The following MEGF10 variants were observed in gnomAD, a reference collection of about 807,000 sequenced individuals.
MEGF10 encodes multiple EGF like domains 10, also known as multiple epidermal growth factor-like domains protein 10.
A neutral mutation model predicts 147.5 loss-of-function variants in MEGF10; 86 were observed. That is an observed-to-expected ratio of 0.58 (90% CI 0.49 to 0.70). The LOEUF is 0.70. MEGF10 is among the 30% of genes least tolerant of loss of function. MEGF10 has a pLI of 0.00. For synonymous variants in MEGF10, 478 were observed against 525.5 expected (o/e 0.91, Z 1.24); for missense variants, 1,329 against 1,487.3 (o/e 0.89, Z 1.75).
chr5:127,315,502 G>A (rs1279244272), intron 1 of MEGF10, among the ~76,000 whole-genome samples: 8 of 152,132 alleles, frequency 5.3e-5, no homozygotes, highest in African/African-American at 7.2e-5. Flanking sequence ...CTTGCCGGGC[G>A]TGGTGGCCCA....
At chr5:127,442,284 A>T (rs369874141) in intron 18 of MEGF10, among the ~76,000 whole-genome samples, 1 of 152,334 alleles carries the variant, frequency 6.6e-6, no homozygotes, top group South Asian at 2.1e-4. Context: ...TAATAATAGC[A>T]CATTGCCCCC....
intron 7 of MEGF10, 59 bp downstream of exon 7, chr5:127,398,855 C>A: frequency 6.2e-7 from 1 of 1,607,740 alleles, no homozygotes; most frequent in Non-Finnish European, 8.5e-7. Flanking sequence ...CCAGGATACT[C>A]AGTGCATACA....
In MEGF10 at chr5:127,376,973, G is replaced by C. The variant is rs535970149; in HGVS notation, c.412+6971G>C. On this transcript the variant is annotated intron_variant, in intron 5 of 24. Transcript: ENST00000503335. ...ATCAGCAACAGTGAGGAGAATGAGA[G>C]CAGGAGACAGGGGCAGATGACACCG... 2.0e-5 allele frequency among the ~76,000 whole-genome samples: 3 copies of C among 149,478 alleles called. No individual in the cohort carries two copies. The East Asian group carries it at 5.9e-4, about 29-fold the overall frequency.
At chr5:127,435,833 T>C (rs1265526861) in intron 16 of MEGF10, among the ~76,000 whole-genome samples, 1 of 152,168 alleles carries the variant, frequency 6.6e-6, no homozygotes, top group Non-Finnish European at 1.5e-5. Flanking sequence ...GAGAGTTAAT[T>C]ACAGAGAAAG....
intron 2 of MEGF10, among the ~76,000 whole-genome samples, chr5:127,335,376 A>G (rs73785582): frequency 0.015 from 2,247 of 152,290 alleles, 56 homozygotes; most frequent in African/African-American, 0.051. Flanking sequence ...CTTCAGGAGC[A>G]GCTGCTGGTG....
the MEGF10 span, among the ~76,000 whole-genome samples, chr5:127,269,180 C>T: frequency 6.6e-6 from 1 of 152,198 alleles, no homozygotes; most frequent in Non-Finnish European, 1.5e-5. Context: ...AATCAGAGCA[C>T]CTCTCCCCCT....
the MEGF10 span, among the ~76,000 whole-genome samples, chr5:127,256,633 T>C: frequency 6.6e-6 from 1 of 152,176 alleles, no homozygotes; most frequent in African/African-American, 2.4e-5. Context: ...CCTATACCTG[T>C]TGCTAAGGGC....
Position 127,348,450 on chromosome 5 carries a change from A to G in MEGF10, c.319+7820A>G, listed in dbSNP as rs552185903. On this transcript the variant is annotated intron_variant, in intron 4 of 24. Coordinates refer to ENST00000503335, the MANE Select transcript of MEGF10 (RefSeq NM_001256545.2). ...TACTTTTTTGATTTTTTTATCTCAA[A>G]CTACAAAGGCAATGAATTTTTCATA... is the stretch of plus-strand genomic sequence containing the variant. Among the ~76,000 whole-genome samples the G allele has an allele frequency of 2.6e-5, 4 of 152,234 alleles. No homozygotes were observed. The South Asian group carries it at 8.3e-4, about 32-fold the overall frequency.
chr5:127,249,016 G>A, the MEGF10 span, among the ~76,000 whole-genome samples: 1 of 151,938 alleles, frequency 6.6e-6, no homozygotes, highest in African/African-American at 2.4e-5. Flanking sequence ...AGAACTATAG[G>A]AAGGAATGAA....
chr5:127,435,506 A>T lies in MEGF10; in HGVS notation c.2104+17A>T. ...GCTCTCAACGTAAGTCTTGTTTGAG[A>T]ACAATTAATAAACTGTTCTTATTTG... On this transcript the variant is annotated intron_variant, in intron 16 of 24. Coordinates refer to ENST00000503335, the MANE Select transcript of MEGF10 (RefSeq NM_001256545.2). The T allele has an allele frequency of 3.7e-6, 6 of 1,608,278 alleles. No individual in the cohort carries two copies. Among genetic ancestry groups the T allele is most frequent in the Non-Finnish European group, 5.1e-6 (6 of 1,177,442 alleles).
At chr5:127,338,146 T>G (rs1761540102) in intron 2 of MEGF10, among the ~76,000 whole-genome samples, 1 of 152,110 alleles carries the variant, frequency 6.6e-6, no homozygotes, top group South Asian at 2.1e-4. Flanking sequence ...ACTTCCTTCC[T>G]TCCTATTAGT....
At chr5:127,307,533 G>T (rs1760070496) in intron 1 of MEGF10, among the ~76,000 whole-genome samples, 2 of 152,228 alleles carry the variant, frequency 1.3e-5, no homozygotes, top group Admixed American at 1.3e-4. Flanking sequence ...CTGTGGGGCA[G>T]CTGTTTCCCT....
chr5:127,272,405 C>A, the MEGF10 span, among the ~76,000 whole-genome samples: 1 of 152,066 alleles, frequency 6.6e-6, no homozygotes, highest in Non-Finnish European at 1.5e-5. Context: ...TCCTTGGCTA[C>A]TCAGGCTCTT....
rs573098262 is a variant in MEGF10 at position 127,375,788 on chromosome 5, A to G, written c.412+5786A>G. On this transcript the variant is annotated intron_variant, in intron 5 of 24. Coordinates refer to ENST00000503335, the MANE Select transcript of MEGF10 (RefSeq NM_001256545.2). The stretch of plus-strand genomic sequence containing the variant: ...TCTGTAAGCCTCCATTGTGCCTGGC[A>G]TGTGGTTGGAGCACAGTAAAACTTC... Among the ~76,000 whole-genome samples, 16 of 152,342 alleles carry G rather than the reference A, an allele frequency of 1.1e-4. No individual in the cohort carries two copies. The South Asian group carries it at 2.9e-3, about 28-fold the overall frequency.
chr5:127,345,412 C>T (rs1056308129), intron 4 of MEGF10, among the ~76,000 whole-genome samples: 11 of 152,004 alleles, frequency 7.2e-5, no homozygotes, highest in East Asian at 1.9e-4. Context: ...GCTGTCTGTC[C>T]GAAAGACCAA....
chr5:127,313,825 A>C (rs776259931), intron 1 of MEGF10, among the ~76,000 whole-genome samples: 1 of 152,258 alleles, frequency 6.6e-6, no homozygotes, highest in South Asian at 2.1e-4. Context: ...CACCTCCCTC[A>C]GGATTATTCA....
chr5:127,319,714 T>G (rs2126759191), intron 1 of MEGF10, among the ~76,000 whole-genome samples: 1 of 152,362 alleles, frequency 6.6e-6, no homozygotes, highest in South Asian at 2.1e-4. Context: ...ACAAGTTGCC[T>G]TATTAAAGTC....
the MEGF10 span, among the ~76,000 whole-genome samples, chr5:127,278,874 G>A: frequency 2.6e-5 from 4 of 152,232 alleles, no homozygotes; most frequent in African/African-American, 9.6e-5. Flanking sequence ...AAGAATGGAA[G>A]AGCAAGTGAA....
chr5:127,325,211 C>T (rs1163821852), intron 1 of MEGF10, among the ~76,000 whole-genome samples: 1 of 152,136 alleles, frequency 6.6e-6, no homozygotes, highest in African/African-American at 2.4e-5. Flanking sequence ...GCTTCCTCTC[C>T]TCTTAAAACT....
Sources: allele counts gnomAD v4.1 joint callset (sites outside exome capture counted in the v4.1 genomes callset), GRCh38; gene constraint gnomAD v4.1.1; transcripts MANE v1.5; gene names NCBI Gene and HGNC (gene_info 2026-07-23, HGNC 2026-07-21).